The following KCNG2 variants were observed in gnomAD, a reference collection of about 807,000 sequenced individuals.
KCNG2 encodes potassium voltage-gated channel modifier subfamily G member 2.
A neutral mutation model predicts 12.3 loss-of-function variants in KCNG2; 7 were observed. That is an observed-to-expected ratio of 0.57 (90% confidence interval 0.32 to 1.07). The LOEUF is 1.07. KCNG2 is among the 50% of genes least tolerant of loss of function. The pLI, the probability that KCNG2 is intolerant of heterozygous loss-of-function variation, is 0.04. For synonymous variants in KCNG2, 414 were observed against 351.4 expected (o/e 1.18, Z -1.99); for missense variants, 703 against 726.0 (o/e 0.97, Z 0.36).
chr18:79,829,660 T>G (rs562624183), intron 1 of KCNG2, among the ~76,000 whole-genome samples: 2 of 152,314 alleles, frequency 1.3e-5, no homozygotes, highest in East Asian at 3.9e-4. Context: ...GGTCAGCCTC[T>G]GCTTCCCTGT....
At chr18:79,887,407 A>AGATGCCCTGTGCTGC (rs1980567163) in intron 3 of KCNG2, among the ~76,000 whole-genome samples, 1 of 152,056 alleles carries the variant, frequency 6.6e-6, no homozygotes, top group African/African-American at 2.4e-5. Context: ...ACCTGTGCTG[A>AGATGCCCTGTGCTGC]GATGCCCTGT....
intron 3 of KCNG2, among the ~76,000 whole-genome samples, chr18:79,879,133 T>C (rs1469492525): frequency 6.6e-6 from 1 of 152,206 alleles, no homozygotes; most frequent in Non-Finnish European, 1.5e-5. Flanking sequence ...GACCCCTCCC[T>C]GCCTAGGATG....
At chr18:79,809,561 G>T (rs1162610697) in intron 1 of KCNG2, among the ~76,000 whole-genome samples, 49 of 65,514 alleles carry the variant, frequency 7.5e-4, no homozygotes, top group South Asian at 2.9e-3. Flanking sequence ...CCCAGAGTCC[G>T]CGCTCTGAGG....
intron 3 of KCNG2, among the ~76,000 whole-genome samples, chr18:79,885,713 A>G (rs1980500573): frequency 1.3e-5 from 2 of 152,228 alleles, no homozygotes; most frequent in South Asian, 2.1e-4. Flanking sequence ...CCCAGGGGAC[A>G]TGGGATGGGG....
chr18:79,830,574 C>G (rs547625062), intron 1 of KCNG2, among the ~76,000 whole-genome samples: 4 of 152,258 alleles, frequency 2.6e-5, no homozygotes, highest in African/African-American at 9.6e-5. Flanking sequence ...GGCCATGGGT[C>G]CCTCCAGAAC....
intron 3 of KCNG2, chr18:79,876,250 A>G (rs12968153): frequency 0.86 from 130,477 of 152,484 alleles, 57,370 homozygotes; most frequent in Non-Finnish European, 0.95. Context: ...GATCAGGCTG[A>G]CACTGCGGAA....
intron 3 of KCNG2, among the ~76,000 whole-genome samples, chr18:79,878,332 G>A (rs1478113716): frequency 3.1e-5 from 4 of 127,006 alleles, no homozygotes; most frequent in Non-Finnish European, 5.1e-5. Flanking sequence ...GAGGGCGCCT[G>A]ATGCCCACGT....
intron 1 of KCNG2, among the ~76,000 whole-genome samples, chr18:79,804,125 G>A (rs748558214): frequency 6.6e-5 from 10 of 152,174 alleles, no homozygotes; most frequent in Non-Finnish European, 1.3e-4. Flanking sequence ...TCTCTGTACC[G>A]AGGCCCCATG....
rs1981164164 is a variant in KCNG2, at chr18:79,900,035, C to G, written c.*219C>G. The G allele has an allele frequency of 2.1e-5, 8 of 373,702 alleles. No homozygotes were observed. The highest frequency in any genetic ancestry group is 3.8e-5 in the Non-Finnish European group (8 of 211,788). 23.1% of individuals were successfully genotyped at this position (373,702 alleles called of 1,614,324 possible). A position where few individuals can be genotyped will look rare whatever the true frequency, so the allele number is the denominator to read the frequency against. On this transcript the variant is annotated 3_prime_UTR_variant, in exon 4 of 4. Coordinates refer to ENST00000316249, the MANE Select transcript of KCNG2 (RefSeq NM_012283.2). The stretch of plus-strand genomic sequence containing the variant: ...GTCACTGGCCTTTGTCCTCCTGCCC[C>G]ACCCCTTTCCTTGGATTTTTAATTT...
intron 1 of KCNG2, among the ~76,000 whole-genome samples, chr18:79,805,602 T>C (rs1368547972): frequency 2.0e-5 from 3 of 152,204 alleles, no homozygotes; most frequent in African/African-American, 7.2e-5. Flanking sequence ...GTCTACTGTT[T>C]GTCACATTTC....
At chr18:79,829,208 A>G (rs1347745789) in intron 1 of KCNG2, among the ~76,000 whole-genome samples, 10 of 132,626 alleles carry the variant, frequency 7.5e-5, no homozygotes, top group South Asian at 2.4e-4. Flanking sequence ...GTGGGTGTCT[A>G]TGTGTGCATG....
chr18:79,899,084 C>G lies in KCNG2; in HGVS notation c.669C>G (p.Thr223=). ...GCCGCAGCCTGTTCGTGCTGGAGAC[C>G]GTGTGCGTGGCCTGGTTCTCCTTCG... The part of the protein sequence containing the change: ...PKCRSLFVLE[T]VCVAWFSFEF... The change falls in exon 4 of 4, where the codon ACC becomes ACG. Residue 223 remains threonine (T), a synonymous_variant. Coordinates refer to ENST00000316249, the MANE Select transcript of KCNG2 (RefSeq NM_012283.2). The G allele has an allele frequency of 1.9e-6, 3 of 1,597,820 alleles. No homozygotes were observed. The highest frequency in any genetic ancestry group is 3.4e-5 in the Admixed American group (2 of 59,002).
Position 79,869,991 on chromosome 18 carries a change from C to T in KCNG2, c.624+5700C>T, listed in dbSNP as rs189884011. Among the ~76,000 whole-genome samples the T allele has an allele frequency of 1.1e-4, 17 of 152,352 alleles. No individual in the cohort carries two copies. The East Asian group carries it at 3.3e-3, about 29-fold the overall frequency. ...TGGAGTGGGAGTTGCCACCCGTTCC[C>T]AGCTGGTGGAGGCTCAGCCAGGCAG... On this transcript the variant is annotated intron_variant, in intron 3 of 3. Transcript: ENST00000316249.
rs530940542 is a variant in KCNG2, at chr18:79,832,901, C to T, written c.-114-23478C>T. Among the ~76,000 whole-genome samples the T allele has an allele frequency of 1.7e-4, 26 of 152,344 alleles. No homozygotes were observed. In the South Asian group the frequency reaches 3.5e-3, roughly 21 times the overall value. Reference sequence around the variant, plus strand: ...GCCCCTGGCACCTTAAGGTAGATCACGGTGAGCCTTGGAGTATAAACGGCT... The same window carrying T: ...GCCCCTGGCACCTTAAGGTAGATCATGGTGAGCCTTGGAGTATAAACGGCT... On this transcript the variant is annotated intron_variant, in intron 1 of 3. Transcript: ENST00000316249.
chr18:79,848,210 G>C (rs1369042189), intron 1 of KCNG2, among the ~76,000 whole-genome samples: 1 of 152,218 alleles, frequency 6.6e-6, no homozygotes, highest in Non-Finnish European at 1.5e-5. Flanking sequence ...TGACGCATAT[G>C]CTTCTAAGTA....
At chr18:79,885,433 G>A (rs1217119282) in intron 3 of KCNG2, among the ~76,000 whole-genome samples, 11 of 152,172 alleles carry the variant, frequency 7.2e-5, no homozygotes, top group Admixed American at 4.6e-4. Flanking sequence ...GTGGTTCCGC[G>A]GGTGGTCTCT....
chr18:79,885,090 C>T (rs113740910), intron 3 of KCNG2, among the ~76,000 whole-genome samples: 14 of 152,332 alleles, frequency 9.2e-5, no homozygotes, highest in African/African-American at 3.1e-4. Flanking sequence ...AGGGCAGAAG[C>T]TGCCAGGAGA....
chr18:79,811,336 C>G (rs2087492787), intron 1 of KCNG2, among the ~76,000 whole-genome samples: 2 of 152,170 alleles, frequency 1.3e-5, no homozygotes, highest in African/African-American at 2.4e-5. Context: ...TACAAAGCTA[C>G]AGTAAGCAAA....
chr18:79,826,262 G>A (rs62096709), intron 1 of KCNG2, among the ~76,000 whole-genome samples: 16,353 of 152,316 alleles, frequency 0.11, 1,106 homozygotes, highest in Non-Finnish European at 0.16. Flanking sequence ...CTGGGAAGGT[G>A]GGTCCTGCTC....
Sources: gnomAD v4.1 joint callset for allele counts (sites outside exome capture counted in the v4.1 genomes callset) on GRCh38, gnomAD v4.1.1 for gene constraint, MANE v1.5 for transcripts, NCBI Gene and HGNC (gene_info 2026-07-23, HGNC 2026-07-21) for gene names.